The following SYN2 variants were observed in gnomAD, a reference collection of about 807,000 sequenced individuals.
SYN2 encodes synapsin-2.
SYN2 carries 19 observed loss-of-function variants against 50.9 expected under a neutral mutation model. That is an observed-to-expected ratio of 0.37 (90% confidence interval 0.26 to 0.55). The LOEUF (loss-of-function observed/expected upper bound fraction) is 0.55. Ranked by LOEUF, SYN2 falls within the 20% of genes least tolerant of loss-of-function variation. The pLI is 0.81. For missense variants in SYN2, 587 were observed against 576.4 expected, an observed-to-expected ratio of 1.02 and a Z score of -0.19; for synonymous variants, 255 against 224.9, an observed-to-expected ratio of 1.13 and a Z score of -1.20.
At chr3:12,048,442 G>A (rs574005418) in intron 1 of SYN2, among the ~76,000 whole-genome samples, 6 of 152,334 alleles carry the variant, frequency 3.9e-5, no homozygotes, top group South Asian at 2.1e-4. Flanking sequence ...GCCTCCTGGA[G>A]TGGTGGGATT....
At chr3:12,183,645 T>G in intron 11 of SYN2, 1 of 1,405,900 alleles carries the variant, frequency 7.1e-7, no homozygotes, top group Non-Finnish European at 9.2e-7. Flanking sequence ...CTCACTTATG[T>G]TTTCTCTGTA....
At chr3:12,008,808 C>G (rs1278680259) in intron 1 of SYN2, among the ~76,000 whole-genome samples, 2 of 152,024 alleles carry the variant, frequency 1.3e-5, no homozygotes, top group African/African-American at 4.8e-5. Flanking sequence ...TAACTGAGCT[C>G]GAAGAATTGG....
At chr3:12,047,524 G>T (rs918738038) in intron 1 of SYN2, among the ~76,000 whole-genome samples, 1 of 152,120 alleles carries the variant, frequency 6.6e-6, no homozygotes, top group African/African-American at 2.4e-5. Flanking sequence ...CTGTTCTGTT[G>T]TGTTATTTCT....
At chr3:12,172,459 G>A (rs1185808864) in intron 10 of SYN2, among the ~76,000 whole-genome samples, 1 of 152,152 alleles carries the variant, frequency 6.6e-6, no homozygotes, top group African/African-American at 2.4e-5. Flanking sequence ...TATATTATGG[G>A]GAACGGATAC....
At chr3:12,084,731 AG>A (rs1695655185) in intron 1 of SYN2, among the ~76,000 whole-genome samples, 1 of 152,224 alleles carries the variant, frequency 6.6e-6, no homozygotes, top group Non-Finnish European at 1.5e-5. Context: ...CATTATAAAA[AG>A]ATGTTAGATG....
intron 1 of SYN2, among the ~76,000 whole-genome samples, chr3:12,122,985 C>T (rs1428474704): frequency 6.6e-6 from 1 of 151,970 alleles, no homozygotes; most frequent in Admixed American, 6.6e-5. Context: ...GCCATATAAA[C>T]AGTAGATCAG....
intron 1 of SYN2, among the ~76,000 whole-genome samples, chr3:12,021,863 G>A (rs760500595): frequency 2.8e-4 from 43 of 152,152 alleles, no homozygotes; most frequent in Non-Finnish European, 4.6e-4. Context: ...TCAGGAGCTC[G>A]AGACCAGCCT....
intron 10 of SYN2, among the ~76,000 whole-genome samples, chr3:12,174,141 C>T (rs998101291): frequency 6.6e-6 from 1 of 152,014 alleles, no homozygotes; most frequent in Admixed American, 6.5e-5. Context: ...ACATCAGTGC[C>T]CCAGAACTTG....
At chr3:12,131,450 A>G (rs889706396) in intron 1 of SYN2, among the ~76,000 whole-genome samples, 1 of 152,172 alleles carries the variant, frequency 6.6e-6, no homozygotes, top group Admixed American at 6.5e-5. Flanking sequence ...CTTCAAAATT[A>G]TATTTGCCTG....
intron 1 of SYN2, among the ~76,000 whole-genome samples, chr3:12,019,592 A>T (rs548668382): frequency 6.4e-4 from 98 of 152,344 alleles, no homozygotes; most frequent in Non-Finnish European, 1.2e-3. Context: ...TGTAGCCTCC[A>T]GATAACTTAT....
Position 12,157,466 on chromosome 3 carries a change from G to T in SYN2, c.775-4080G>T, listed in dbSNP as rs745990405. The T allele has an allele frequency of 7.4e-6, 12 of 1,614,062 alleles. No individual in the cohort carries two copies. The Admixed American group carries it at 1.0e-4, about 13-fold the overall frequency. On this transcript the variant is annotated intron_variant, in intron 5 of 12. Coordinates refer to ENST00000621198, the MANE Select transcript of SYN2 (RefSeq NM_133625.6). ...TGGCCGGAACTACCTTCTCACTGGA[G>T]ATTTTGGCCCGAATCACTGCATAGG...
intron 1 of SYN2, among the ~76,000 whole-genome samples, chr3:12,017,753 G>T (rs1694054287): frequency 6.6e-6 from 1 of 152,138 alleles, no homozygotes; most frequent in South Asian, 2.1e-4. Flanking sequence ...GTATTTATAG[G>T]AGCCTTCAAG....
At chr3:12,174,117 T>C (rs1015426942) in intron 10 of SYN2, among the ~76,000 whole-genome samples, 1 of 152,036 alleles carries the variant, frequency 6.6e-6, no homozygotes, top group Admixed American at 6.6e-5. Context: ...CTTCCACTTC[T>C]GCTGAGTGTC....
At chr3:12,064,847 T>C (rs897823912) in intron 1 of SYN2, among the ~76,000 whole-genome samples, 2 of 152,142 alleles carry the variant, frequency 1.3e-5, no homozygotes, top group African/African-American at 2.4e-5. Context: ...AGAGTTACCA[T>C]ATGAGCCAGC....
chr3:12,095,247 T>C (rs183361900), intron 1 of SYN2, among the ~76,000 whole-genome samples: 76 of 151,644 alleles, frequency 5.0e-4, no homozygotes, highest in Admixed American at 3.9e-4. Flanking sequence ...AATAGCTCTT[T>C]TTTAAAGGAC....
intron 1 of SYN2, among the ~76,000 whole-genome samples, chr3:12,050,446 A>G (rs982320591): frequency 1.3e-5 from 2 of 149,730 alleles, no homozygotes; most frequent in Non-Finnish European, 3.0e-5. Context: ...CCCAGGTTCA[A>G]GTGATTCTTC....
At position 12,044,181 on chromosome 3, in the gene SYN2, T is replaced by TCTCTCTCTCA. The variant is rs573246278; in HGVS notation, c.377+39254_377+39255insTCTCTCTCAC. 9.2e-3 allele frequency among the ~76,000 whole-genome samples: 493 copies of TCTCTCTCTCA among 53,300 alleles called. 11 individuals are homozygous for TCTCTCTCTCA. In the East Asian group the frequency reaches 0.2, roughly 22 times the overall value. 35.0% of individuals were successfully genotyped at this position (53,300 alleles called of 152,430 possible). A position where few individuals can be genotyped will look rare whatever the true frequency, so the allele number is the denominator to read the frequency against. The stretch of plus-strand genomic sequence containing the variant: ...AAAGTTCTCTCTCTCTCTCTCTCTC[T>TCTCTCTCTCA]CACACACACACACACACACACACAC... On this transcript the variant is annotated intron_variant, in intron 1 of 12. Coordinates refer to ENST00000621198, the MANE Select transcript of SYN2 (RefSeq NM_133625.6).
At chr3:12,138,668 G>A (rs1362114658) in intron 1 of SYN2, among the ~76,000 whole-genome samples, 4 of 152,178 alleles carry the variant, frequency 2.6e-5, no homozygotes, top group Non-Finnish European at 5.9e-5. Context: ...AACAACTAGG[G>A]CAAGGAACAT....
At chr3:12,180,673 G>T (rs984799865) in intron 10 of SYN2, among the ~76,000 whole-genome samples, 9 of 152,274 alleles carry the variant, frequency 5.9e-5, no homozygotes, top group African/African-American at 2.2e-4. Context: ...TGGAGCCGGG[G>T]CCAAGAGAAG....
Sources: gnomAD v4.1 joint callset for allele counts (sites outside exome capture counted in the v4.1 genomes callset) on GRCh38, gnomAD v4.1.1 for gene constraint, MANE v1.5 for transcripts, NCBI Gene and HGNC (gene_info 2026-07-23, HGNC 2026-07-21) for gene names.